Variants in SLC25A20 observed in about 807,000 individuals in gnomAD.
The protein encoded by SLC25A20 is mitochondrial carnitine/acylcarnitine carrier protein.
A neutral mutation model predicts 39.7 loss-of-function variants in SLC25A20; 29 were observed. The observed-to-expected ratio is 0.73, with a 90% CI of 0.54 to 1.00. The LOEUF (loss-of-function observed/expected upper bound fraction) is 1.00, where lower values mean the gene tolerates loss of function less well. Ranked by LOEUF, SLC25A20 falls within the 50% of genes least tolerant of loss-of-function variation. The pLI, the probability that SLC25A20 is intolerant of heterozygous loss-of-function variation, is 0.00. For missense variants in SLC25A20, 333 were observed against 379.9 expected (o/e 0.88, Z 1.03); for synonymous variants, 103 against 142.2 (o/e 0.72, Z 1.96).
intron 4 of SLC25A20, among the ~76,000 whole-genome samples, chr3:48,874,834 G>T (rs1448166586): frequency 6.6e-6 from 1 of 151,592 alleles, no homozygotes; most frequent in Non-Finnish European, 1.5e-5. Context: ...ATCACTTAAG[G>T]TCAGGAGTTC....
chr3:48,898,789 G>C lies in SLC25A20; in HGVS notation c.6C>G (p.Ala2=). The change falls in exon 1 of 9, where the codon GCC becomes GCG. Residue 2 remains alanine, a synonymous_variant. Coordinates refer to ENST00000319017, the MANE Select transcript of SLC25A20 (RefSeq NM_000387.6). M[A]DQPKPISPLK... ...GCGGGCTGATGGGTTTTGGCTGGTCGGCCATGGTCAGTCCGTCTGTCACTC... is the reference window on the plus strand; with the variant it reads ...GCGGGCTGATGGGTTTTGGCTGGTCCGCCATGGTCAGTCCGTCTGTCACTC... 1.3e-6 allele frequency: 2 copies of C among 1,573,810 alleles called. No individual in the cohort carries two copies. The highest frequency in any genetic ancestry group is 1.7e-6 in the Non-Finnish European group (2 of 1,159,954).
intron 3 of SLC25A20, 80 bp downstream of exon 3, chr3:48,883,917 C>T: frequency 6.4e-7 from 1 of 1,564,560 alleles, no homozygotes; most frequent in Non-Finnish European, 8.7e-7. Flanking sequence ...AGCCACCGCG[C>T]CCTGCCCAAG....
chr3:48,859,070 C>T, intron 7 of SLC25A20, 22 bp downstream of exon 7: 1 of 1,597,540 alleles, frequency 6.3e-7, no homozygotes, highest in Non-Finnish European at 8.6e-7. Flanking sequence ...TCCCCCTGTC[C>T]ACCCCACTAC....
Position 48,898,707 on chromosome 3 carries a change from G to C in SLC25A20, c.88C>G (p.Pro30Ala), listed in dbSNP as rs780569251. The C allele has an allele frequency of 1.2e-5, 19 of 1,606,258 alleles. No individual in the cohort carries two copies. In the Admixed American group the frequency reaches 1.7e-4, roughly 14 times the overall value. Residue 30 changes from proline (P) to alanine (A), a missense_variant, in exon 1 of 9, where the codon CCT becomes GCT. By Grantham distance (27) the Pro-to-Ala change is conservative (BLOSUM62 -1). Coordinates refer to ENST00000319017, the MANE Select transcript of SLC25A20 (RefSeq NM_000387.6). ...TCCCGCACCTTGACCGTGTCCAGAG[G>C]GTGACCGACGAACACCAGGCACACG... The part of the protein sequence containing the change: ...GGVCLVFVGH[P>A]LDTVKVRLQT...
Position 48,891,980 on chromosome 3 carries a change from C to G in SLC25A20, c.198G>C (p.Glu66Asp), listed in dbSNP as rs1275508003. 1 of 1,611,894 alleles carries G rather than the reference C, an allele frequency of 6.2e-7. No homozygotes were observed. The highest frequency in any genetic ancestry group is 2.2e-5 in the East Asian group (1 of 44,844). ...GGAATGCCCAGCACCATATACCAACCTCTCTAAAAAGAGTCTTCCGGAAAC... is the reference window on the plus strand; with the variant it reads ...GGAATGCCCAGCACCATATACCAACGTCTCTAAAAAGAGTCTTCCGGAAAC... ...FDCFRKTLFR[E>D]GITGLYRGMA... Residue 66 changes from glutamate to aspartate, a missense_variant and splice_region_variant, in exon 2 of 9, where the codon GAG becomes GAC. Physicochemically the swap from Glu to Asp is conservative, Grantham distance 45. Coordinates refer to ENST00000319017, the MANE Select transcript of SLC25A20 (RefSeq NM_000387.6).
At chr3:48,876,627 T>C (rs2083759796) in intron 4 of SLC25A20, among the ~76,000 whole-genome samples, 2 of 151,484 alleles carry the variant, frequency 1.3e-5, no homozygotes, top group Non-Finnish European at 2.9e-5. Flanking sequence ...GGTTTCACCA[T>C]GTTGGTCAGG....
intron 5 of SLC25A20, among the ~76,000 whole-genome samples, chr3:48,861,671 G>A (rs1215565525): frequency 2.0e-5 from 3 of 152,016 alleles, no homozygotes; most frequent in Admixed American, 2.0e-4. Context: ...AGGTTGCAGT[G>A]AGCTGAGAAT....
intron 5 of SLC25A20, 140 bp downstream of exon 5, chr3:48,862,402 A>G: frequency 2.8e-6 from 2 of 721,266 alleles, no homozygotes; most frequent in Non-Finnish European, 5.2e-6. Flanking sequence ...GGCCAGGGGG[A>G]GATGCTTACT....
Position 48,858,589 on chromosome 3 carries a change from C to T in SLC25A20, c.761G>A (p.Arg254Lys), listed in dbSNP as rs370168469. The T allele has an allele frequency of 1.7e-5, 27 of 1,614,110 alleles. No homozygotes were observed. The highest frequency in any genetic ancestry group is 2.2e-5 in the Non-Finnish European group (26 of 1,180,058). ...GACTCCTTCATCCCGGATCAGCTCC[C>T]TCAGCACATCTCTGAAACCATTAGG... ...KYPNGFRDVL[R>K]ELIRDEGVTS... The change falls in exon 8 of 9, where the codon AGG becomes AAG. Residue 254 changes from arginine to lysine, a missense_variant. Physicochemically the swap from Arg to Lys is conservative, Grantham distance 26 (BLOSUM62 2). Coordinates refer to ENST00000319017, the MANE Select transcript of SLC25A20 (RefSeq NM_000387.6).
chr3:48,878,344 G>A (rs1238438597), intron 4 of SLC25A20, among the ~76,000 whole-genome samples: 2 of 148,938 alleles, frequency 1.3e-5, no homozygotes, highest in Admixed American at 6.7e-5. Flanking sequence ...AAGACTTTAC[G>A]TTTATTTGAG....
At position 48,861,062 on chromosome 3, in the gene SLC25A20, C is replaced by T. The variant is rs562400815; in HGVS notation, c.536-1435G>A. On this transcript the variant is annotated intron_variant, in intron 5 of 8. Coordinates refer to ENST00000319017, the MANE Select transcript of SLC25A20 (RefSeq NM_000387.6). The stretch of plus-strand genomic sequence containing the variant: ...CAGGCTGGTCTTGAACTCCTGACCT[C>T]GTGATCCGCCCGCCTCGGCCTCCCA... Among the ~76,000 whole-genome samples the T allele has an allele frequency of 2.9e-3, 446 of 151,578 alleles. 4 individuals are homozygous for T. Among genetic ancestry groups the T allele is most frequent in the African/African-American group, 9.8e-3 (407 of 41,350 alleles).
intron 8 of SLC25A20, 96 bp downstream of exon 8, chr3:48,858,411 G>A: frequency 6.4e-7 from 1 of 1,557,058 alleles, no homozygotes; most frequent in Non-Finnish European, 8.8e-7. Flanking sequence ...TGGGAAAACT[G>A]AGACCCCAGT....
At chr3:48,872,096 T>C (rs1237729735) in intron 4 of SLC25A20, among the ~76,000 whole-genome samples, 2 of 147,784 alleles carry the variant, frequency 1.4e-5, no homozygotes, top group African/African-American at 2.5e-5. Flanking sequence ...CTCAAAGTCC[T>C]GGGATCACAG....
At chr3:48,860,232 T>C (rs1010722097) in intron 5 of SLC25A20, among the ~76,000 whole-genome samples, 6 of 143,820 alleles carry the variant, frequency 4.2e-5, no homozygotes, top group African/African-American at 1.6e-4. Context: ...ACCCGGGAGG[T>C]GGAGGTTGCA....
intron 2 of SLC25A20, 111 bp from the exon 3 acceptor site, chr3:48,884,235 G>T: frequency 7.5e-7 from 1 of 1,337,420 alleles, no homozygotes; most frequent in Non-Finnish European, 1.1e-6. Flanking sequence ...ACCTCTTCTT[G>T]AAGCAAGGAG....
At chr3:48,879,941 C>T (rs2083786335) in intron 3 of SLC25A20, among the ~76,000 whole-genome samples, 1 of 152,110 alleles carries the variant, frequency 6.6e-6, no homozygotes, top group Non-Finnish European at 1.5e-5. Context: ...GGCCTGAGAA[C>T]ACTCTAAGCC....
At chr3:48,866,930 A>G (rs2083674493) in intron 4 of SLC25A20, among the ~76,000 whole-genome samples, 1 of 151,910 alleles carries the variant, frequency 6.6e-6, no homozygotes, top group Non-Finnish European at 1.5e-5. Flanking sequence ...AGTAGCTGGG[A>G]TTACAGGCAC....
Position 48,879,547 on chromosome 3 carries a change from A to C in SLC25A20, c.327-99T>G, listed in dbSNP as rs74673105. ...AGGACAGTTTTGTAAGAAAAAAAATAAGTACTTGGACTGGGTAGAAGCCTA... is the reference window on the plus strand; with the variant it reads ...AGGACAGTTTTGTAAGAAAAAAAATCAGTACTTGGACTGGGTAGAAGCCTA... On this transcript the variant is annotated intron_variant, in intron 3 of 8. Transcript: ENST00000319017. The C allele has an allele frequency of 9.8e-3, 8,107 of 823,388 alleles. 65 individuals carry two copies. Among genetic ancestry groups the C allele is most frequent in the South Asian group, 0.015 (1,136 of 74,314 alleles). 51.0% of individuals were successfully genotyped at this position (823,388 alleles called of 1,614,324 possible). A position where few individuals can be genotyped will look rare whatever the true frequency, so the allele number is the denominator to read the frequency against.
intron 1 of SLC25A20, chr3:48,895,730 T>G (rs575180056): frequency 4.4e-6 from 2 of 456,244 alleles, no homozygotes; most frequent in Non-Finnish European, 8.8e-6. Context: ...TGGGACACAA[T>G]AGAAATGCCC....
Sources: gnomAD v4.1 joint callset for allele counts (sites outside exome capture counted in the v4.1 genomes callset) on GRCh38, gnomAD v4.1.1 for gene constraint, MANE v1.5 for transcripts, NCBI Gene and HGNC (gene_info 2026-07-23, HGNC 2026-07-21) for gene names.